The following MRPS28 variants were observed in gnomAD, a reference collection of about 807,000 sequenced individuals.
MRPS28 encodes the protein mitochondrial ribosomal protein S28.
A neutral mutation model predicts 10.8 loss-of-function variants in MRPS28; 7 were observed. The ratio of observed to expected loss-of-function variants is 0.65; its 90% CI spans 0.37 to 1.22. MRPS28 has a LOEUF of 1.22. Ranked by LOEUF, MRPS28 falls within the 50% of genes most tolerant of loss-of-function variation. The pLI is 0.02. For missense variants in MRPS28, 265 were observed against 232.9 expected (o/e 1.14, Z -0.90); for synonymous variants, 121 against 93.3 (o/e 1.30, Z -1.71).
chr8:80,025,142 G>A (rs1809463512), intron 1 of MRPS28, among the ~76,000 whole-genome samples: 1 of 152,122 alleles, frequency 6.6e-6, no homozygotes, highest in African/African-American at 2.4e-5. Context: ...GTAGTATTTT[G>A]TTATTTTAAG....
At chr8:80,021,114 C>T (rs530425199) in intron 1 of MRPS28, among the ~76,000 whole-genome samples, 28 of 151,906 alleles carry the variant, frequency 1.8e-4, no homozygotes, top group African/African-American at 6.3e-4. Flanking sequence ...GCAATTCTCC[C>T]GCCTTAGCCT....
chr8:79,920,637 T>C (rs1376450069), intron 2 of MRPS28, among the ~76,000 whole-genome samples: 1 of 152,120 alleles, frequency 6.6e-6, no homozygotes, highest in Non-Finnish European at 1.5e-5. Context: ...TTTGATGGGG[T>C]TGTTTTTTTC....
At chr8:79,919,272 A>G in intron 2 of MRPS28, 124 bp from the exon 3 acceptor site, 2 of 634,524 alleles carry the variant, frequency 3.2e-6, no homozygotes, top group Non-Finnish European at 4.7e-6. Context: ...TAACACTGGT[A>G]TCTTAGAAAT....
chr8:80,029,738 C>G lies in MRPS28; in HGVS notation c.213+298G>C, dbSNP rs1432754254. 4 of 1,456,822 alleles carry G rather than the reference C, an allele frequency of 2.7e-6. No individual in the cohort carries two copies. The East Asian group carries it at 1.2e-4, about 43-fold the overall frequency. The allele number at this position is 1,456,822 out of a possible 1,614,324, so 90.2% of individuals were successfully genotyped here. On this transcript the variant is annotated intron_variant, in intron 1 of 2. Coordinates refer to ENST00000276585, the MANE Select transcript of MRPS28 (RefSeq NM_014018.3). Reference sequence around the variant, plus strand: ...CAGGAATCGCCCTAGATCGCCTCCCCAGCAGCGCTCCCCGCTGGTTACCTT... The same window carrying G: ...CAGGAATCGCCCTAGATCGCCTCCCGAGCAGCGCTCCCCGCTGGTTACCTT...
chr8:79,956,144 T>C (rs558160417), intron 2 of MRPS28, among the ~76,000 whole-genome samples: 1 of 152,164 alleles, frequency 6.6e-6, no homozygotes, highest in Non-Finnish European at 1.5e-5. Context: ...TTTGCTGTTA[T>C]GAATAGCTAG....
chr8:79,971,754 G>T (rs1466656446), intron 2 of MRPS28, among the ~76,000 whole-genome samples: 1 of 152,168 alleles, frequency 6.6e-6, no homozygotes, highest in East Asian at 1.9e-4. Context: ...CTGGAGTGCA[G>T]TGGTGCGATC....
intron 2 of MRPS28, among the ~76,000 whole-genome samples, chr8:79,965,430 GAAAGA>G (rs1807478987): frequency 6.6e-6 from 1 of 151,954 alleles, no homozygotes; most frequent in African/African-American, 2.4e-5. Context: ...CTTAGCAAAG[GAAAGA>G]AGTCACTGTC....
intron 2 of MRPS28, among the ~76,000 whole-genome samples, chr8:79,959,379 AG>A (rs1179347698): frequency 1.3e-5 from 2 of 152,130 alleles, no homozygotes; most frequent in Admixed American, 6.5e-5. Flanking sequence ...TATTTTTAAT[AG>A]TTATAGGAAA....
intron 1 of MRPS28, among the ~76,000 whole-genome samples, chr8:80,012,779 C>A (rs1043853330): frequency 6.6e-6 from 1 of 152,204 alleles, no homozygotes; most frequent in Non-Finnish European, 1.5e-5. Context: ...GTATCACTTT[C>A]ATTTATTCAA....
intron 2 of MRPS28, among the ~76,000 whole-genome samples, chr8:79,922,186 T>C (rs546195598): frequency 6.6e-6 from 1 of 152,330 alleles, no homozygotes; most frequent in South Asian, 2.1e-4. Context: ...GTTGCATTGT[T>C]ATTAAAATGT....
intron 2 of MRPS28, among the ~76,000 whole-genome samples, chr8:79,949,617 T>C (rs1251954586): frequency 2.6e-5 from 4 of 152,198 alleles, no homozygotes; most frequent in South Asian, 2.1e-4. Flanking sequence ...TCAGATATTA[T>C]GTAGTATAAT....
At chr8:80,010,132 A>G (rs1299335478) in intron 1 of MRPS28, among the ~76,000 whole-genome samples, 1 of 152,146 alleles carries the variant, frequency 6.6e-6, no homozygotes, top group Non-Finnish European at 1.5e-5. Flanking sequence ...TTTTTTTCTT[A>G]CAAAAATTTT....
intron 1 of MRPS28, among the ~76,000 whole-genome samples, chr8:80,013,654 G>GAA (rs1809118916): frequency 8.5e-6 from 1 of 117,128 alleles, no homozygotes; most frequent in East Asian, 2.5e-4. Context: ...AAAAAAAAAA[G>GAA]AAAAGAAAAA....
At chr8:80,019,871 C>A (rs892581285) in intron 1 of MRPS28, among the ~76,000 whole-genome samples, 6 of 152,170 alleles carry the variant, frequency 3.9e-5, no homozygotes, top group Admixed American at 1.3e-4. Context: ...TGAGACAGGT[C>A]TAAATCAATT....
intron 2 of MRPS28, among the ~76,000 whole-genome samples, chr8:79,977,681 G>C (rs959540086): frequency 5.9e-5 from 9 of 152,094 alleles, no homozygotes; most frequent in Non-Finnish European, 1.0e-4. Flanking sequence ...GCCAGGTGTG[G>C]TGGTGGATGC....
intron 2 of MRPS28, among the ~76,000 whole-genome samples, chr8:79,925,317 A>C (rs921580025): frequency 6.6e-6 from 1 of 152,198 alleles, no homozygotes; most frequent in African/African-American, 2.4e-5. Flanking sequence ...AATAATATGT[A>C]TAACTGGCCC....
chr8:79,989,491 C>T (rs1808295221), intron 2 of MRPS28, among the ~76,000 whole-genome samples: 1 of 152,080 alleles, frequency 6.6e-6, no homozygotes, highest in Non-Finnish European at 1.5e-5. Context: ...ATTTTAGAGT[C>T]CTGAAGTTGA....
chr8:79,920,720 T>C (rs1167582757), intron 2 of MRPS28, among the ~76,000 whole-genome samples: 1 of 152,236 alleles, frequency 6.6e-6, no homozygotes, highest in Non-Finnish European at 1.5e-5. Context: ...TGCAAAAATT[T>C]TCTCCCATTC....
intron 2 of MRPS28, among the ~76,000 whole-genome samples, chr8:79,921,251 T>C (rs1481044445): frequency 6.6e-6 from 1 of 152,166 alleles, no homozygotes; most frequent in Admixed American, 6.6e-5. Context: ...TCTTTTGGCT[T>C]AGGATTGACT....
Sources: gnomAD v4.1 joint callset for allele counts (sites outside exome capture counted in the v4.1 genomes callset) on GRCh38, gnomAD v4.1.1 for gene constraint, MANE v1.5 for transcripts, NCBI Gene and HGNC (gene_info 2026-07-23, HGNC 2026-07-21) for gene names.